ASAP3: variants seen among roughly 807,000 people sequenced by gnomAD.
The protein encoded by ASAP3 is arf-GAP with SH3 domain, ANK repeat and PH domain-containing protein 3.
Under a neutral mutation model 118.2 loss-of-function variants are expected in ASAP3, and 85 were observed. The ratio of observed to expected loss-of-function variants is 0.72; its 90% CI spans 0.60 to 0.86. The LOEUF is 0.86. Ranked by LOEUF, ASAP3 falls within the 40% of genes least tolerant of loss-of-function variation. The probability of loss-of-function intolerance (pLI) is 0.00; values close to 1 mark genes in which losing one functional copy is unlikely to be tolerated. For missense variants in ASAP3, 1,026 were observed against 1,175.0 expected, an observed-to-expected ratio of 0.87 and a Z score of 1.85; for synonymous variants, 432 against 477.4, an observed-to-expected ratio of 0.90 and a Z score of 1.24.
chr1:23,464,653 C>CT (rs1225185560), intron 1 of ASAP3, among the ~76,000 whole-genome samples: 11 of 86,760 alleles, frequency 1.3e-4, no homozygotes, highest in African/African-American at 5.7e-4. Flanking sequence ...GAATGAGACA[C>CT]TGTCTTAAAA....
intron 1 of ASAP3, among the ~76,000 whole-genome samples, chr1:23,473,038 C>G (rs1000354713): frequency 6.6e-6 from 1 of 152,230 alleles, no homozygotes; most frequent in Admixed American, 6.5e-5. Context: ...TTTTCACTGG[C>G]AGAGTCCTCC....
chr1:23,460,506 C>CAAAAAAAAAAAAAAAAAA (rs71023213), intron 1 of ASAP3, among the ~76,000 whole-genome samples: 1 of 84,784 alleles, frequency 1.2e-5, no homozygotes, highest in Non-Finnish European at 2.2e-5. Context: ...GACTCCATCT[C>CAAAAAAAAAAAAAAAAAA]AAAAAAAAAA....
upstream of ASAP3, chr1:23,484,404 C>T (rs61778892): frequency 0.036 from 8,993 of 253,244 alleles, 201 homozygotes; most frequent in Non-Finnish European, 0.049. Context: ...CGGCCCCTCG[C>T]CGGCCCCCTA....
chr1:23,434,418 G>A (rs74062716), intron 18 of ASAP3, 49 bp from the exon 19 acceptor site: 1 of 1,606,610 alleles, frequency 6.2e-7, no homozygotes, highest in Non-Finnish European at 8.5e-7. Flanking sequence ...AGATCAATGA[G>A]GGGATCAAAG....
In ASAP3 at chr1:23,436,224, G is replaced by A. The variant is rs910941467; in HGVS notation, c.1572-196C>T. On this transcript the variant is annotated intron_variant, in intron 16 of 24. Coordinates refer to ENST00000336689, the MANE Select transcript of ASAP3 (RefSeq NM_017707.4). The surrounding 1 kb of genome is among the most constrained non-coding windows in gnomAD (Gnocchi z 4.2). ...ATTGCCCAGGAGGGAGTGCAGTGGCGCAATCTCGTTTCACTACAACCTCTG... is the reference window on the plus strand; with the variant it reads ...ATTGCCCAGGAGGGAGTGCAGTGGCACAATCTCGTTTCACTACAACCTCTG... Among the ~76,000 whole-genome samples the A allele has an allele frequency of 1.3e-5, 2 of 152,240 alleles. No individual in the cohort carries two copies. The highest frequency in any genetic ancestry group is 3.9e-4 in the East Asian group (2 of 5,180).
Position 23,442,253 on chromosome 1 carries a change from C to A in ASAP3, c.604G>T (p.Glu202Ter). 1 of 1,605,746 alleles carries A rather than the reference C, an allele frequency of 6.2e-7. No individual in the cohort carries two copies. The highest frequency in any genetic ancestry group is 2.2e-5 in the East Asian group (1 of 44,724). Reference protein sequence around the residue: ...HMCEYLLKAGESQMKQGPDFL... With the variant: ...HMCEYLLKAG ...TCAGGACCTTGCTTCATCTGGCTCT[C>A]CCCGGCTTTGAGCAGATACTAGGAG... The change falls in exon 7 of 25, where the codon GAG becomes TAG. Residue 202 changes from glutamate to a stop codon, truncating the protein, a stop_gained. Transcript: ENST00000336689. LOFTEE classifies it high-confidence loss of function.
intron 1 of ASAP3, among the ~76,000 whole-genome samples, chr1:23,466,842 C>T (rs2148652621): frequency 6.6e-6 from 1 of 152,310 alleles, no homozygotes; most frequent in East Asian, 1.9e-4. Flanking sequence ...ACTTCTGTGT[C>T]ATCCCATGAC....
intron 1 of ASAP3, among the ~76,000 whole-genome samples, chr1:23,462,823 G>A (rs1334060715): frequency 6.6e-6 from 1 of 152,138 alleles, no homozygotes; most frequent in Non-Finnish European, 1.5e-5. Flanking sequence ...GGAAGAAAAA[G>A]CCATTATAAG....
chr1:23,469,083 T>C (rs141179531), intron 1 of ASAP3, among the ~76,000 whole-genome samples: 22 of 152,066 alleles, frequency 1.4e-4, no homozygotes, highest in African/African-American at 4.8e-4. Flanking sequence ...AGTGGGTGGA[T>C]TGCTTGAGCC....
chr1:23,446,707 G>A (rs949008173), intron 5 of ASAP3, among the ~76,000 whole-genome samples: 3 of 152,062 alleles, frequency 2.0e-5, no homozygotes, highest in Non-Finnish European at 4.4e-5. Context: ...CAAAGTGCTG[G>A]AATTACAGGC....
chr1:23,440,780 C>T (rs79509582), intron 10 of ASAP3, among the ~76,000 whole-genome samples: 8,089 of 150,250 alleles, frequency 0.054, 673 homozygotes, highest in African/African-American at 0.18. Flanking sequence ...TGACATGACC[C>T]GGAAGGCGGA....
intron 5 of ASAP3, among the ~76,000 whole-genome samples, chr1:23,448,337 G>C (rs1641109692): frequency 1.3e-5 from 2 of 152,144 alleles, no homozygotes; most frequent in African/African-American, 4.8e-5. Context: ...TATAAATTGG[G>C]AATAACAATA....
At chr1:23,457,102 C>T (rs759877278) in intron 1 of ASAP3, among the ~76,000 whole-genome samples, 3 of 152,236 alleles carry the variant, frequency 2.0e-5, no homozygotes, top group Middle Eastern at 3.4e-3. Context: ...CACAGAATGT[C>T]GAGCTGGAAG....
chr1:23,474,932 G>A (rs952897171), intron 1 of ASAP3, among the ~76,000 whole-genome samples: 3 of 152,180 alleles, frequency 2.0e-5, no homozygotes, highest in African/African-American at 7.2e-5. Context: ...TGTGGTTCAG[G>A]CAGCACCTGC....
chr1:23,470,146 T>C (rs1641914026), intron 1 of ASAP3, among the ~76,000 whole-genome samples: 1 of 152,052 alleles, frequency 6.6e-6, no homozygotes, highest in Admixed American at 6.6e-5. Context: ...CCTTCCTCCT[T>C]CTATGCCTCA....
chr1:23,458,078 T>C (rs1641446642), intron 1 of ASAP3, among the ~76,000 whole-genome samples: 1 of 152,186 alleles, frequency 6.6e-6, no homozygotes, highest in South Asian at 2.1e-4. Context: ...TCCTCGGGTG[T>C]GAACTTGAGA....
intron 1 of ASAP3, among the ~76,000 whole-genome samples, chr1:23,482,968 AG>A (rs975671353): frequency 4.9e-4 from 75 of 151,950 alleles, no homozygotes; most frequent in Admixed American, 1.7e-3. Flanking sequence ...AAAAAAGGAA[AG>A]AAAAAAGGTC....
chr1:23,458,844 T>C (rs929766108), intron 1 of ASAP3, among the ~76,000 whole-genome samples: 5 of 152,110 alleles, frequency 3.3e-5, no homozygotes, highest in Non-Finnish European at 7.4e-5. Flanking sequence ...TAAGGAGCTA[T>C]GATTTCGCTC....
rs2148618836 is a variant in ASAP3 at position 23,442,501 on chromosome 1, C to T, written c.585G>A (p.Glu195=). 6.2e-7 allele frequency: 1 copy of T among 1,613,510 alleles called. No individual in the cohort carries two copies. The highest frequency in any genetic ancestry group is 2.2e-5 in the East Asian group (1 of 44,868). The change falls in exon 6 of 25, where the codon GAG becomes GAA. Residue 195 remains glutamate, a splice_region_variant and synonymous_variant. Coordinates refer to ENST00000336689, the MANE Select transcript of ASAP3 (RefSeq NM_017707.4). ...ERRIFQLHMC[E]YLLKAGESQM... is the part of the protein sequence containing the mutation. Reference sequence around the variant, plus strand: ...CTCCCTCATCCAGAGCACCCCTTACCTCACACATGTGCAGCTGGAAGATGC... The same window carrying T: ...CTCCCTCATCCAGAGCACCCCTTACTTCACACATGTGCAGCTGGAAGATGC...
Sources: gnomAD v4.1 joint callset for allele counts (sites outside exome capture counted in the v4.1 genomes callset) on GRCh38, gnomAD v4.1.1 for gene constraint, Gnocchi (gnomAD v3.1) non-coding constraint, MANE v1.5 for transcripts, NCBI Gene and HGNC (gene_info 2026-07-23, HGNC 2026-07-21) for gene names.